RELN: variants seen among roughly 807,000 people sequenced by gnomAD.
RELN encodes reelin.
In RELN, 108 loss-of-function variants were observed where a neutral mutation model predicts 427.6. The observed-to-expected ratio is 0.25, with a 90% confidence interval of 0.22 to 0.30. RELN has a LOEUF of 0.30. Ranked by LOEUF, RELN falls within the 10% of genes least tolerant of loss-of-function variation. The pLI, the probability that RELN is intolerant of heterozygous loss-of-function variation, is 1.00. For synonymous variants in RELN, 1,524 were observed against 1,513.4 expected (o/e 1.01, Z -0.16); for missense variants, 3,715 against 4,302.8 (o/e 0.86, Z 3.82).
chr7:103,661,370 A>G lies in RELN; in HGVS notation c.1441+6T>C. On this transcript the variant is annotated splice_donor_region_variant and intron_variant, in intron 12 of 64. Coordinates refer to ENST00000428762, the MANE Select transcript of RELN (RefSeq NM_005045.4). ...CGGTGAACAAAGTTTGTGAAAATGT[A>G]CTTACCCATCACAAAGTAAAACCTC... 1 of 1,613,796 alleles carries G rather than the reference A, an allele frequency of 6.2e-7. No individual in the cohort carries two copies. Among genetic ancestry groups the G allele is most frequent in the East Asian group, 2.2e-5 (1 of 44,816 alleles).
chr7:103,785,507 G>C (rs1290604037), intron 3 of RELN, among the ~76,000 whole-genome samples: 1 of 152,080 alleles, frequency 6.6e-6, no homozygotes, highest in Non-Finnish European at 1.5e-5. Context: ...GCGGAGTTTT[G>C]CTCTAGGATG....
At chr7:103,566,853 T>C in intron 31 of RELN, 94 bp from the exon 32 acceptor site, 5 of 1,210,692 alleles carry the variant, frequency 4.1e-6, no homozygotes, top group African/African-American at 1.5e-5. Context: ...CAACCTCAAA[T>C]TGTGTCTCCT....
chr7:103,705,208 C>A (rs1834174672), intron 8 of RELN, among the ~76,000 whole-genome samples: 1 of 152,046 alleles, frequency 6.6e-6, no homozygotes, highest in Admixed American at 6.6e-5. Context: ...ATTAACATAT[C>A]CATCACCTCA....
intron 3 of RELN, among the ~76,000 whole-genome samples, chr7:103,799,669 A>G (rs1792395699): frequency 6.6e-6 from 1 of 152,066 alleles, no homozygotes; most frequent in African/African-American, 2.4e-5. Context: ...ACTAAATCAA[A>G]TTTCTTATTC....
At chr7:103,803,288 G>T (rs184871482) in intron 3 of RELN, among the ~76,000 whole-genome samples, 1 of 152,230 alleles carries the variant, frequency 6.6e-6, no homozygotes, top group African/African-American at 2.4e-5. Context: ...TGTACTCACA[G>T]TGATGATGAT....
chr7:103,756,014 T>TATTA (rs1027361536), intron 4 of RELN, among the ~76,000 whole-genome samples: 2 of 152,262 alleles, frequency 1.3e-5, no homozygotes, highest in African/African-American at 4.8e-5. Context: ...TTATGACAAT[T>TATTA]ATTAATTAGA....
At chr7:103,624,370 G>T (rs1382583388) in intron 20 of RELN, among the ~76,000 whole-genome samples, 1 of 152,022 alleles carries the variant, frequency 6.6e-6, no homozygotes, top group African/African-American at 2.4e-5. Flanking sequence ...AGGCTTCAAA[G>T]ATCCTCCCAC....
chr7:103,863,005 C>T (rs1318434723), intron 2 of RELN, among the ~76,000 whole-genome samples: 1 of 152,020 alleles, frequency 6.6e-6, no homozygotes, highest in African/African-American at 2.4e-5. Context: ...GGCTAGGCAG[C>T]TAGAGCGCTG....
At chr7:103,590,954 A>C (rs112479553) in intron 27 of RELN, among the ~76,000 whole-genome samples, 7 of 152,316 alleles carry the variant, frequency 4.6e-5, no homozygotes, top group African/African-American at 1.7e-4. Flanking sequence ...TAAATTCCTG[A>C]GAGTAGCATT....
intron 6 of RELN, among the ~76,000 whole-genome samples, chr7:103,729,631 G>T (rs1172059253): frequency 6.6e-6 from 1 of 152,166 alleles, no homozygotes; most frequent in Non-Finnish European, 1.5e-5. Flanking sequence ...CAAGACATTA[G>T]AAGAGACAAC....
intron 1 of RELN, among the ~76,000 whole-genome samples, chr7:103,978,027 G>T (rs533517780): frequency 6.6e-6 from 1 of 152,236 alleles, no homozygotes; most frequent in East Asian, 1.9e-4. Flanking sequence ...TTTCTAAGGA[G>T]AAACATTCTT....
intron 12 of RELN, among the ~76,000 whole-genome samples, chr7:103,659,624 T>C (rs990100751): frequency 6.6e-6 from 1 of 152,122 alleles, no homozygotes; most frequent in South Asian, 2.1e-4. Context: ...CCCTAATCCC[T>C]CCACTGCAAT....
At chr7:103,858,238 T>G (rs144513444) in intron 2 of RELN, among the ~76,000 whole-genome samples, 45 of 152,286 alleles carry the variant, frequency 3.0e-4, no homozygotes, top group African/African-American at 1.0e-3. Flanking sequence ...CTCTCTAGGC[T>G]TCTGTTTCCT....
intron 51 of RELN, among the ~76,000 whole-genome samples, chr7:103,508,682 G>C (rs1384315368): frequency 1.3e-5 from 2 of 152,146 alleles, no homozygotes; most frequent in African/African-American, 2.4e-5. Context: ...AGAAATAAAG[G>C]GTATTCAGTT....
intron 6 of RELN, among the ~76,000 whole-genome samples, chr7:103,746,929 A>G (rs1473764186): frequency 6.6e-6 from 1 of 152,168 alleles, no homozygotes; most frequent in African/African-American, 2.4e-5. Context: ...TACCCAAAGG[A>G]CTACAAATCA....
chr7:103,622,238 C>T (rs12674323), intron 20 of RELN, among the ~76,000 whole-genome samples: 9,329 of 152,204 alleles, frequency 0.061, 407 homozygotes, highest in South Asian at 0.16. Flanking sequence ...AAATTAACCC[C>T]GTGGACATCA....
chr7:103,836,397 A>AATAGC (rs759729367), intron 2 of RELN, among the ~76,000 whole-genome samples: 6 of 152,236 alleles, frequency 3.9e-5, no homozygotes, highest in Non-Finnish European at 8.8e-5. Context: ...CCACATGCTC[A>AATAGC]ATAGCACATG....
In RELN at chr7:103,563,168, A is replaced by C. The variant is rs1830676737; in HGVS notation, c.5211-1215T>G. Among the ~76,000 whole-genome samples, 1 of 152,166 alleles carries C rather than the reference A, an allele frequency of 6.6e-6. No individual in the cohort carries two copies. Among genetic ancestry groups the C allele is most frequent in the Admixed American group, 6.5e-5 (1 of 15,276 alleles). ...ATCTCTGAGTACTTCCTCTGGTATC[A>C]TCTTATAGCATAAACAGCTGCTTAG... On this transcript the variant is annotated intron_variant, in intron 34 of 64. Coordinates refer to ENST00000428762, the MANE Select transcript of RELN (RefSeq NM_005045.4). This position sits in a 1 kb window ranked among gnomAD's most constrained non-coding sequence, Gnocchi z 4.1.
chr7:103,701,483 A>C (rs1051004523), intron 8 of RELN, among the ~76,000 whole-genome samples: 2 of 152,156 alleles, frequency 1.3e-5, no homozygotes, highest in South Asian at 2.1e-4. Context: ...TACTGTAAAG[A>C]AAATTCAAAT....
Sources: allele counts gnomAD v4.1 joint callset (sites outside exome capture counted in the v4.1 genomes callset), GRCh38; gene constraint gnomAD v4.1.1; non-coding constraint Gnocchi (gnomAD v3.1); transcripts MANE v1.5; gene names NCBI Gene and HGNC (gene_info 2026-07-23, HGNC 2026-07-21).